LUC7L3: variants seen among roughly 807,000 people sequenced by gnomAD.
LUC7L3 encodes LUC7 like 3 pre-mRNA splicing factor.
LUC7L3 carries 6 observed loss-of-function variants against 66.8 expected under a neutral mutation model. The ratio of observed to expected loss-of-function variants is 0.09; its 90% CI spans 0.05 to 0.18. The LOEUF (loss-of-function observed/expected upper bound fraction) is 0.18. Among genes scored for constraint, LUC7L3 ranks in the 10% least tolerant of loss-of-function variants. The probability of loss-of-function intolerance (pLI) is 1.00; values close to 1 mark genes in which losing one functional copy is unlikely to be tolerated. For synonymous variants in LUC7L3, 160 were observed against 174.7 expected, an observed-to-expected ratio of 0.92 and a Z score of 0.66; for missense variants, 341 against 531.1, an observed-to-expected ratio of 0.64 and a Z score of 3.52.
At chr17:50,744,957 A>G (rs961977856) in intron 7 of LUC7L3, 144 bp downstream of exon 7, 2 of 610,300 alleles carry the variant, frequency 3.3e-6, no homozygotes, top group Non-Finnish European at 5.6e-6. Flanking sequence ...GAGTACAGGC[A>G]TGTGCCACCA....
intron 9 of LUC7L3, among the ~76,000 whole-genome samples, chr17:50,748,771 ATAGAGT>A (rs1420518055): frequency 6.6e-6 from 1 of 152,214 alleles, no homozygotes; most frequent in Non-Finnish European, 1.5e-5. Context: ...GTATGCTATG[ATAGAGT>A]TAAACATTGG....
intron 5 of LUC7L3, among the ~76,000 whole-genome samples, chr17:50,743,072 A>G (rs1970446839): frequency 6.6e-6 from 1 of 152,206 alleles, no homozygotes; most frequent in Non-Finnish European, 1.5e-5. Flanking sequence ...GATTGTGTTT[A>G]GGATTCAGGC....
intron 6 of LUC7L3, 107 bp from the exon 7 acceptor site, chr17:50,744,545 A>G (rs368517414): frequency 1.9e-6 from 2 of 1,033,702 alleles, no homozygotes; most frequent in East Asian, 5.2e-5. Flanking sequence ...GGGAAATGGA[A>G]AAGAGCAATT....
Position 50,751,348 on chromosome 17 carries a change from A to C in LUC7L3, c.*687A>C. The C allele has an allele frequency of 7.7e-7, 1 of 1,295,652 alleles. No individual in the cohort carries two copies. The highest frequency in any genetic ancestry group is 1.0e-6 in the Non-Finnish European group (1 of 993,010). The allele number at this position is 1,295,652 out of a possible 1,614,324, so 80.3% of individuals were successfully genotyped here. On this transcript the variant is annotated 3_prime_UTR_variant, in exon 10 of 10. Coordinates refer to ENST00000505658, the MANE Select transcript of LUC7L3 (RefSeq NM_016424.5). ...AAGCCAAATTAAAAATCAAGGATTC[A>C]GTCAAACTAAGCAGGTACTCATGCC... is the stretch of plus-strand genomic sequence containing the variant.
chr17:50,746,148 T>C (rs1970653066), intron 8 of LUC7L3, 145 bp downstream of exon 8: 6 of 1,296,052 alleles, frequency 4.6e-6, no homozygotes, highest in Non-Finnish European at 6.0e-6. Context: ...GCGGAATCAG[T>C]GAATAAAATA....
chr17:50,751,375 G>C lies in LUC7L3; in HGVS notation c.*714G>C. 7.7e-7 allele frequency: 1 copy of C among 1,292,716 alleles called. No homozygotes were observed. The highest frequency in any genetic ancestry group is 1.0e-6 in the Non-Finnish European group (1 of 991,040). 80.1% of individuals were successfully genotyped at this position (1,292,716 alleles called of 1,614,324 possible). ...TCAAACTAAGCAGGTACTCATGCCAGGTACTCCTTTCTCTACCCACATCCA... is the reference window on the plus strand; with the variant it reads ...TCAAACTAAGCAGGTACTCATGCCACGTACTCCTTTCTCTACCCACATCCA... On this transcript the variant is annotated 3_prime_UTR_variant, in exon 10 of 10. Coordinates refer to ENST00000505658, the MANE Select transcript of LUC7L3 (RefSeq NM_016424.5).
At chr17:50,726,247 C>T (rs1969176048) in intron 1 of LUC7L3, among the ~76,000 whole-genome samples, 1 of 152,222 alleles carries the variant, frequency 6.6e-6, no homozygotes, top group Admixed American at 6.5e-5. Context: ...TCTCGGCTCA[C>T]TGCAACCTCT....
intron 5 of LUC7L3, 52 bp from the exon 6 acceptor site, chr17:50,743,654 A>G (rs183032854): frequency 1.7e-5 from 20 of 1,163,128 alleles, no homozygotes; most frequent in Admixed American, 3.8e-5. Flanking sequence ...AAAAAAGACA[A>G]TAGTTGGGTT....
chr17:50,745,894 A>C lies in LUC7L3; in HGVS notation c.868A>C (p.Arg290=). 2 of 1,612,616 alleles carry C rather than the reference A, an allele frequency of 1.2e-6. No individual in the cohort carries two copies. The highest frequency in any genetic ancestry group is 1.7e-6 in the Non-Finnish European group (2 of 1,179,184). The change falls in exon 8 of 10, where the codon AGA becomes CGA. Residue 290 remains arginine (R), a synonymous_variant. Transcript: ENST00000505658. ...EKERARDRER[R]KRSRSRSRHS... ...AGAAAGGGCTCGTGACAGAGAAAGA[A>C]GAAAGAGAAGTCGTTCACGAAGTAG...
At chr17:50,735,807 T>A (rs966049368) in intron 1 of LUC7L3, among the ~76,000 whole-genome samples, 11 of 152,140 alleles carry the variant, frequency 7.2e-5, no homozygotes, top group African/African-American at 2.7e-4. Context: ...CAACGCTGCC[T>A]TTTCTTTTCA....
intron 5 of LUC7L3, among the ~76,000 whole-genome samples, chr17:50,743,113 C>G (rs1020464401): frequency 6.6e-6 from 1 of 152,142 alleles, no homozygotes; most frequent in South Asian, 2.1e-4. Context: ...GTAGGTGGCT[C>G]ACACCTGTAA....
At chr17:50,732,573 T>C (rs1255266964) in intron 1 of LUC7L3, among the ~76,000 whole-genome samples, 1 of 150,984 alleles carries the variant, frequency 6.6e-6, no homozygotes, top group Non-Finnish European at 1.5e-5. Flanking sequence ...TTTTTTTTTT[T>C]TTTTTAGAGA....
chr17:50,739,964 A>G (rs1024086910), intron 2 of LUC7L3, among the ~76,000 whole-genome samples: 5 of 152,234 alleles, frequency 3.3e-5, no homozygotes, highest in South Asian at 4.1e-4. Flanking sequence ...AAAGTCGGCA[A>G]TGGTTCAGTT....
At position 50,753,077 on chromosome 17, in the gene LUC7L3, A is replaced by G. The variant is rs1294843818; in HGVS notation, c.*2416A>G. 2 of 152,148 alleles carry G rather than the reference A, an allele frequency of 1.3e-5. No homozygotes were observed. Among genetic ancestry groups the G allele is most frequent in the African/African-American group, 2.4e-5 (1 of 41,428 alleles). The allele number at this position is 152,148 out of a possible 1,614,324, so 9.4% of individuals were successfully genotyped here. A position where few individuals can be genotyped will look rare whatever the true frequency, so the allele number is the denominator to read the frequency against. ...TGTCAGTTTATAAATGTATTTGTGT[A>G]TAGGGTGTGTAGTATATATGGCAAG... On this transcript the variant is annotated 3_prime_UTR_variant, in exon 10 of 10. Coordinates refer to ENST00000505658, the MANE Select transcript of LUC7L3 (RefSeq NM_016424.5).
chr17:50,728,442 A>T (rs1186981903), intron 1 of LUC7L3, among the ~76,000 whole-genome samples: 1 of 151,908 alleles, frequency 6.6e-6, no homozygotes, highest in African/African-American at 2.4e-5. Flanking sequence ...TCTTTAACAC[A>T]GTGAATTGAA....
At chr17:50,726,002 A>G (rs565386437) in intron 1 of LUC7L3, among the ~76,000 whole-genome samples, 4 of 152,354 alleles carry the variant, frequency 2.6e-5, no homozygotes, top group East Asian at 1.9e-4. Context: ...AGTGAGCTCA[A>G]GTGTTGCCAG....
chr17:50,738,785 T>A (rs1445652292), intron 2 of LUC7L3, among the ~76,000 whole-genome samples: 8 of 152,126 alleles, frequency 5.3e-5, no homozygotes, highest in Non-Finnish European at 1.2e-4. Flanking sequence ...AAAAAAAATT[T>A]GCAGTACTAA....
At chr17:50,723,803 ATTTTTGTATT>A (rs1230303426) in intron 1 of LUC7L3, 1 of 339,576 alleles carries the variant, frequency 2.9e-6, no homozygotes, top group Admixed American at 3.9e-5. Context: ...CGCCCGGCTA[ATTTTTGTATT>A]TTTAGTCGAC....
chr17:50,745,164 AT>A (rs990942755), intron 7 of LUC7L3, among the ~76,000 whole-genome samples: 2 of 151,520 alleles, frequency 1.3e-5, no homozygotes, highest in East Asian at 1.9e-4. Flanking sequence ...TGATTTTTGT[AT>A]TTTTTTTAAT....
Sources: gnomAD v4.1 joint callset for allele counts (sites outside exome capture counted in the v4.1 genomes callset) on GRCh38, gnomAD v4.1.1 for gene constraint, MANE v1.5 for transcripts, NCBI Gene and HGNC (gene_info 2026-07-23, HGNC 2026-07-21) for gene names.